Variants in RBX1 observed in about 807,000 individuals in gnomAD.
RBX1 encodes E3 ubiquitin-protein ligase RBX1.
For synonymous variants in RBX1, 48 were observed against 47.9 expected (o/e 1.00, Z -0.01); for missense variants, 46 against 141.4 (o/e 0.33, Z 3.42).
At chr22:40,960,789 C>T (rs893914808) in intron 2 of RBX1, among the ~76,000 whole-genome samples, 103 of 152,224 alleles carry the variant, frequency 6.8e-4, no homozygotes, top group African/African-American at 2.4e-3. Flanking sequence ...GATGGAGTCT[C>T]GCTCTTTCAC....
At chr22:40,962,068 G>A (rs1460008662) in intron 2 of RBX1, among the ~76,000 whole-genome samples, 1 of 151,872 alleles carries the variant, frequency 6.6e-6, no homozygotes, top group African/African-American at 2.4e-5. Context: ...GCAGGCGTGA[G>A]CCACTACTCC....
At chr22:40,970,055 A>T (rs1351667276) in intron 4 of RBX1, among the ~76,000 whole-genome samples, 4 of 76,738 alleles carry the variant, frequency 5.2e-5, no homozygotes, top group East Asian at 1.6e-3. Flanking sequence ...ACCCAATTTA[A>T]AAAAAAAAAA....
intron 2 of RBX1, among the ~76,000 whole-genome samples, chr22:40,958,609 C>T (rs1433977533): frequency 6.6e-6 from 1 of 152,086 alleles, no homozygotes; most frequent in Non-Finnish European, 1.5e-5. Context: ...CTGTCTCCTT[C>T]CTTGGTTGTA....
At chr22:40,963,960 TA>T in intron 2 of RBX1, 86 bp from the exon 3 acceptor site, 1 of 952,386 alleles carries the variant, frequency 1.0e-6, no homozygotes, top group Non-Finnish European at 1.7e-6. Context: ...TATGGCTAAT[TA>T]ACCACTTGAG....
At chr22:40,965,081 C>G (rs2058350543) in intron 3 of RBX1, among the ~76,000 whole-genome samples, 1 of 152,118 alleles carries the variant, frequency 6.6e-6, no homozygotes, top group Admixed American at 6.5e-5. Flanking sequence ...GAGGCGGGTG[C>G]ATCATGAGGT....
At chr22:40,965,586 G>A (rs2058352146) in intron 3 of RBX1, among the ~76,000 whole-genome samples, 1 of 152,126 alleles carries the variant, frequency 6.6e-6, no homozygotes, top group East Asian at 1.9e-4. Flanking sequence ...GATTACAGGT[G>A]TGTACCACCA....
intron 2 of RBX1, among the ~76,000 whole-genome samples, chr22:40,963,097 C>T (rs2058345584): frequency 6.6e-6 from 1 of 151,792 alleles, no homozygotes; most frequent in African/African-American, 2.4e-5. Flanking sequence ...GCCTCAGCCT[C>T]CCAAAGTGCT....
intron 2 of RBX1, among the ~76,000 whole-genome samples, chr22:40,954,954 T>C (rs982687138): frequency 3.9e-5 from 6 of 152,098 alleles, no homozygotes; most frequent in Admixed American, 6.6e-5. Context: ...ACCCAGCTAA[T>C]TTTTGTATTT....
intron 2 of RBX1, among the ~76,000 whole-genome samples, chr22:40,956,831 C>G (rs1349496374): frequency 6.6e-6 from 1 of 151,090 alleles, no homozygotes; most frequent in African/African-American, 2.4e-5. Flanking sequence ...GTCCAGAGAT[C>G]GAGACCATCC....
intron 2 of RBX1, 108 bp from the exon 3 acceptor site, chr22:40,963,939 T>TA (rs967992528): frequency 8.8e-6 from 7 of 795,038 alleles, no homozygotes; most frequent in Middle Eastern, 2.3e-4. Flanking sequence ...CCACATTCAT[T>TA]AAAAAACAAT....
chr22:40,955,926 G>A (rs1172804530), intron 2 of RBX1, among the ~76,000 whole-genome samples: 1 of 152,166 alleles, frequency 6.6e-6, no homozygotes, highest in Non-Finnish European at 1.5e-5. Flanking sequence ...AATGTGTTTG[G>A]GTGGGGTCTT....
intron 4 of RBX1, among the ~76,000 whole-genome samples, chr22:40,970,345 C>T (rs2058365653): frequency 6.8e-6 from 1 of 146,340 alleles, no homozygotes; most frequent in Non-Finnish European, 1.5e-5. Context: ...AGCAAAACTT[C>T]GTCTCAAAAA....
intron 2 of RBX1, among the ~76,000 whole-genome samples, chr22:40,954,406 ATAAT>A (rs2058319534): frequency 6.6e-6 from 1 of 152,240 alleles, no homozygotes; most frequent in South Asian, 2.1e-4. Context: ...ATCTAAATAA[ATAAT>A]TAATTGCACT....
chr22:40,954,247 C>T (rs1444779726), intron 2 of RBX1, among the ~76,000 whole-genome samples: 5 of 148,064 alleles, frequency 3.4e-5, no homozygotes, highest in South Asian at 2.1e-4. Flanking sequence ...ACAACCTGGG[C>T]GACACAGCAA....
At chr22:40,960,144 G>A (rs375782801) in intron 2 of RBX1, among the ~76,000 whole-genome samples, 2 of 152,004 alleles carry the variant, frequency 1.3e-5, no homozygotes, top group Admixed American at 6.6e-5. Flanking sequence ...TATTTGTCCC[G>A]TATTTCTTCT....
chr22:40,952,035 C>A (rs1015054514), intron 1 of RBX1, among the ~76,000 whole-genome samples: 1 of 152,078 alleles, frequency 6.6e-6, no homozygotes, highest in Non-Finnish European at 1.5e-5. Context: ...TGGTTAGAGT[C>A]TGGAGTGTAA....
At chr22:40,963,586 A>G (rs1008690954) in intron 2 of RBX1, among the ~76,000 whole-genome samples, 1 of 152,092 alleles carries the variant, frequency 6.6e-6, no homozygotes, top group Non-Finnish European at 1.5e-5. Flanking sequence ...CAGTGAGCCA[A>G]GATTGTGCTA....
At position 40,972,488 on chromosome 22, in the gene RBX1, G is replaced by A; in HGVS notation, c.327G>A (p.Ter109=). Residue 109 remains the stop codon, a stop_retained_variant, in exon 5 of 5, where the codon TAG becomes TAA. Transcript: ENST00000216225. ...REWEFQKYGH[*] is the part of the protein sequence containing the mutation. ...CTTTGTCTTTCAGGTATGGGCACTA[G>A]GAAAAGACTTCTTCCATCAAGCTTA... is the stretch of plus-strand genomic sequence containing the variant. The A allele has an allele frequency of 6.2e-7, 1 of 1,603,436 alleles. No homozygotes were observed. The highest frequency in any genetic ancestry group is 1.1e-5 in the South Asian group (1 of 90,838).
rs891013414 is a variant in RBX1 at position 40,973,298 on chromosome 22, A to G, written c.*810A>G. The G allele has an allele frequency of 6.6e-6, 1 of 152,094 alleles. No individual in the cohort carries two copies. Among genetic ancestry groups the G allele is most frequent in the Admixed American group, 6.6e-5 (1 of 15,234 alleles). 9.4% of individuals were successfully genotyped at this position (152,094 alleles called of 1,614,324 possible). A position where few individuals can be genotyped will look rare whatever the true frequency, so the allele number is the denominator to read the frequency against. On this transcript the variant is annotated 3_prime_UTR_variant, in exon 5 of 5. Transcript: ENST00000216225. Reference sequence around the variant, plus strand: ...AGATCCCTCACATGCACGGTTCGCCAATAGGGTTGAAGCTCCTATGAGAAT... The same window carrying G: ...AGATCCCTCACATGCACGGTTCGCCGATAGGGTTGAAGCTCCTATGAGAAT...
Sources: gnomAD v4.1 joint callset for allele counts (sites outside exome capture counted in the v4.1 genomes callset) on GRCh38, gnomAD v4.1.1 for gene constraint, MANE v1.5 for transcripts, NCBI Gene and HGNC (gene_info 2026-07-23, HGNC 2026-07-21) for gene names.